The following GNAL variants were observed in gnomAD, a reference collection of about 807,000 sequenced individuals.
GNAL encodes the protein G protein subunit alpha L.
GNAL carries 18 observed loss-of-function variants against 55.1 expected under a neutral mutation model. That is an observed-to-expected ratio of 0.33 (90% CI 0.23 to 0.48). The LOEUF (loss-of-function observed/expected upper bound fraction) is 0.48, where lower values mean the gene tolerates loss of function less well. Among genes scored for constraint, GNAL ranks in the 20% least tolerant of loss-of-function variants. The pLI is 0.99. For synonymous variants in GNAL, 253 were observed against 237.0 expected, an observed-to-expected ratio of 1.07 and a Z score of -0.62; for missense variants, 412 against 614.1, an observed-to-expected ratio of 0.67 and a Z score of 3.48.
chr18:11,755,645 G>C (rs941722806), intron 4 of GNAL, among the ~76,000 whole-genome samples: 1 of 152,194 alleles, frequency 6.6e-6, no homozygotes, highest in Admixed American at 6.5e-5. Context: ...AAGCATGCCA[G>C]TGTAGAGCCA....
intron 1 of GNAL, among the ~76,000 whole-genome samples, chr18:11,716,490 A>G (rs2031969522): frequency 6.6e-6 from 1 of 152,190 alleles, no homozygotes; most frequent in East Asian, 1.9e-4. Context: ...GGACGGGAGC[A>G]GGTTGCCACG....
Position 11,689,711 on chromosome 18 carries a change from C to T in GNAL, c.148C>T (p.Arg50Trp), listed in dbSNP as rs950092521. The part of the protein sequence containing the change: ...PVRAAARDTA[R>W]TLLPRGGEGS... ...CCGGGCGGCCGCAAGGGACACGGCC[C>T]GGACCCTGCTCCCTCGGGGCGGCGA... Residue 50 changes from arginine to tryptophan, a missense_variant, in exon 1 of 12, where the codon CGG becomes TGG. Physicochemically the swap from Arg to Trp is moderately radical, Grantham distance 101 (BLOSUM62 -3). This residue lies in a region of GNAL where 228 missense variants were observed against 194.8 expected (regional missense o/e 1.17). Coordinates refer to ENST00000334049, the MANE Select transcript of GNAL (RefSeq NM_182978.4). 9 of 1,494,862 alleles carry T rather than the reference C, an allele frequency of 6.0e-6. No individual in the cohort carries two copies. Among genetic ancestry groups the T allele is most frequent in the Non-Finnish European group, 8.0e-6 (9 of 1,127,550 alleles). The allele number at this position is 1,494,862 out of a possible 1,614,324, so 92.6% of individuals were successfully genotyped here. A position where few individuals can be genotyped will look rare whatever the true frequency, so the allele number is the denominator to read the frequency against.
intron 1 of GNAL, among the ~76,000 whole-genome samples, chr18:11,697,977 G>A (rs755633251): frequency 6.6e-6 from 1 of 152,104 alleles, no homozygotes; most frequent in Non-Finnish European, 1.5e-5. Context: ...GCCACCTGGG[G>A]ACCACATGCC....
chr18:11,881,164 G>T lies in GNAL; in HGVS notation c.*29G>T. 6.3e-7 allele frequency: 1 copy of T among 1,579,806 alleles called. No homozygotes were observed. The highest frequency in any genetic ancestry group is 8.6e-7 in the Non-Finnish European group (1 of 1,160,170). On this transcript the variant is annotated 3_prime_UTR_variant, in exon 12 of 12. Transcript: ENST00000334049. The surrounding 1 kb of genome is among the most constrained non-coding windows in gnomAD (Gnocchi z 4.8). ...TGCTGCCGCCACCCTGCGACGGAGC[G>T]GCGCCCCGGACTGCCTGACTGCCAG... is the stretch of plus-strand genomic sequence containing the variant.
chr18:11,777,342 A>G (rs1267387469), intron 4 of GNAL, among the ~76,000 whole-genome samples: 3 of 152,206 alleles, frequency 2.0e-5, no homozygotes, highest in African/African-American at 7.2e-5. Flanking sequence ...GTGTTACTCT[A>G]GCTGACCTGC....
At chr18:11,699,083 A>G (rs889529211) in intron 1 of GNAL, among the ~76,000 whole-genome samples, 2 of 152,206 alleles carry the variant, frequency 1.3e-5, no homozygotes, top group African/African-American at 2.4e-5. Context: ...GAAGATCTCC[A>G]AAACCTCACT....
chr18:11,867,824 T>A lies in GNAL; in HGVS notation c.910+598T>A, dbSNP rs547183069. The stretch of plus-strand genomic sequence containing the variant: ...AGAGCGAGACTCTGTCAAAAAAAAA[T>A]AATAATAATAAAAAAATTAGCCGGG... On this transcript the variant is annotated intron_variant, in intron 8 of 11. Coordinates refer to ENST00000334049, the MANE Select transcript of GNAL (RefSeq NM_182978.4). 1.1e-3 allele frequency among the ~76,000 whole-genome samples: 163 copies of A among 143,672 alleles called. 2 individuals carry two copies. Among genetic ancestry groups the A allele is most frequent in the Admixed American group, 3.9e-3 (55 of 14,032 alleles). 94.3% of individuals were successfully genotyped at this position (143,672 alleles called of 152,430 possible).
At chr18:11,736,995 T>G (rs1196537481) in intron 1 of GNAL, among the ~76,000 whole-genome samples, 1 of 152,182 alleles carries the variant, frequency 6.6e-6, no homozygotes, top group African/African-American at 2.4e-5. Context: ...ATAAAGCAAA[T>G]GTAGCAAAAT....
At chr18:11,803,973 C>T (rs1487487040) in intron 4 of GNAL, among the ~76,000 whole-genome samples, 2 of 147,264 alleles carry the variant, frequency 1.4e-5, no homozygotes, top group Admixed American at 6.7e-5. Flanking sequence ...GGATGGAACA[C>T]GGAGATACTG....
Position 11,752,195 on chromosome 18 carries a change from G to C in GNAL, c.377-658G>C, listed in dbSNP as rs1398189013. ...TCCAGCAGATTTTGAAACAATTCTC[G>C]TGTAAAAAGGCATTTTACTCCGCGC... On this transcript the variant is annotated intron_variant, in intron 1 of 11. Coordinates refer to ENST00000334049, the MANE Select transcript of GNAL (RefSeq NM_182978.4). The surrounding 1 kb of genome is among the most constrained non-coding windows in gnomAD (Gnocchi z 4.5). 1 of 580,294 alleles carries C rather than the reference G, an allele frequency of 1.7e-6. No individual in the cohort carries two copies. Among genetic ancestry groups the C allele is most frequent in the Non-Finnish European group, 2.6e-6 (1 of 381,942 alleles). 35.9% of individuals were successfully genotyped at this position (580,294 alleles called of 1,614,324 possible). A position where few individuals can be genotyped will look rare whatever the true frequency, so the allele number is the denominator to read the frequency against.
At chr18:11,852,068 A>C (rs761272544) in intron 5 of GNAL, 2 of 1,612,856 alleles carry the variant, frequency 1.2e-6, no homozygotes, top group Admixed American at 3.3e-5. Flanking sequence ...GCGGAGCAGG[A>C]TGAACTGTCT....
chr18:11,833,204 G>C (rs138871260), intron 5 of GNAL, among the ~76,000 whole-genome samples: 2,537 of 151,884 alleles, frequency 0.017, 69 homozygotes, highest in African/African-American at 0.059. Context: ...GCTAATTTTT[G>C]TATTTTTAGT....
chr18:11,828,874 C>A (rs2035313732), intron 5 of GNAL, among the ~76,000 whole-genome samples: 1 of 152,144 alleles, frequency 6.6e-6, no homozygotes, highest in Non-Finnish European at 1.5e-5. Flanking sequence ...AGGATCTATT[C>A]TCATATGGTT....
In GNAL at chr18:11,753,665, G is replaced by T; in HGVS notation, c.487G>T (p.Val163Phe). Residue 163 changes from valine to phenylalanine, a missense_variant, in exon 3 of 12, where the codon GTT becomes TTT. This residue lies in a region of GNAL where 47 missense variants were observed against 82.7 expected (regional missense o/e 0.57). Transcript: ENST00000334049. ...GAAAATTCTGGACATCCGGAAAAAT[G>T]TTAAAGATGCTATCGTGGTAAGGAC... is the stretch of plus-strand genomic sequence containing the variant. ...KQKILDIRKN[V>F]KDAIVTIVSA... 1 of 1,600,580 alleles carries T rather than the reference G, an allele frequency of 6.2e-7. No individual in the cohort carries two copies.
intron 11 of GNAL, among the ~76,000 whole-genome samples, chr18:11,880,688 A>G (rs1160775586): frequency 6.6e-6 from 1 of 152,218 alleles, no homozygotes; most frequent in Non-Finnish European, 1.5e-5. Context: ...GGACATTCCC[A>G]TTGTCACAGA....
At position 11,735,223 on chromosome 18, in the gene GNAL, G is replaced by C. The variant is rs191391160; in HGVS notation, c.377-17630G>C. Among the ~76,000 whole-genome samples the C allele has an allele frequency of 1.3e-3, 195 of 151,826 alleles. 1 individual carries two copies. Among genetic ancestry groups the C allele is most frequent in the African/African-American group, 4.6e-3 (190 of 41,424 alleles). On this transcript the variant is annotated intron_variant, in intron 1 of 11. Transcript: ENST00000334049. ...GCACCACCACACCCGTCTAATTTTT[G>C]TGTTTTTGGTAGAGACGGGGTTTCA...
chr18:11,816,954 TAG>T (rs2034973295), intron 4 of GNAL, among the ~76,000 whole-genome samples: 1 of 151,874 alleles, frequency 6.6e-6, no homozygotes, highest in African/African-American at 2.4e-5. Flanking sequence ...GGCAAAACTA[TAG>T]AGACAGAAGG....
At chr18:11,786,389 T>C (rs140860388) in intron 4 of GNAL, among the ~76,000 whole-genome samples, 1 of 151,764 alleles carries the variant, frequency 6.6e-6, no homozygotes, top group Admixed American at 6.6e-5. Flanking sequence ...AATGGTTCTT[T>C]TACACGTGGC....
At chr18:11,816,631 C>G (rs1011992476) in intron 4 of GNAL, among the ~76,000 whole-genome samples, 1 of 151,800 alleles carries the variant, frequency 6.6e-6, no homozygotes, top group Admixed American at 6.6e-5. Flanking sequence ...CTGGCCAACA[C>G]GGTGAAACCC....
Sources: allele counts gnomAD v4.1 joint callset (sites outside exome capture counted in the v4.1 genomes callset), GRCh38; gene constraint gnomAD v4.1.1; regional missense constraint gnomAD v4.1.1; non-coding constraint Gnocchi (gnomAD v3.1); transcripts MANE v1.5; gene names NCBI Gene and HGNC (gene_info 2026-07-23, HGNC 2026-07-21).